The following CTCFL variants were observed in gnomAD, a reference collection of about 807,000 sequenced individuals.
CTCFL encodes transcriptional repressor CTCFL.
A neutral mutation model predicts 67.4 loss-of-function variants in CTCFL; 36 were observed. That is an observed-to-expected ratio of 0.53 (90% CI 0.41 to 0.71). The LOEUF is 0.71. Among genes scored for constraint, CTCFL ranks in the 30% least tolerant of loss-of-function variants. The pLI is 0.00. For missense variants in CTCFL, 786 were observed against 835.2 expected (o/e 0.94, Z 0.73); for synonymous variants, 324 against 302.3 (o/e 1.07, Z -0.75).
At chr20:57,518,709 C>A in intron 5 of CTCFL, 49 bp downstream of exon 5, 1 of 1,613,886 alleles carries the variant, frequency 6.2e-7, no homozygotes, top group Non-Finnish European at 8.5e-7. Flanking sequence ...ACTTGTACAG[C>A]AGCCTCTACT....
chr20:57,518,795 G>A lies in CTCFL; in HGVS notation c.1022C>T (p.Pro341Leu). The A allele has an allele frequency of 1.2e-6, 2 of 1,614,088 alleles. No homozygotes were observed. The highest frequency in any genetic ancestry group is 2.2e-5 in the East Asian group (1 of 44,876). The change falls in exon 5 of 11, where the codon CCC becomes CTC. Residue 341 changes from proline to leucine, a missense_variant. By Grantham distance (98) the Pro-to-Leu change is moderately conservative (BLOSUM62 -3). Coordinates refer to ENST00000243914, the MANE Select transcript of CTCFL (RefSeq NM_001386993.1). ...HRRYKHTHEK[P>L]FKCSMCKYAS... The stretch of plus-strand genomic sequence containing the variant: ...ATACTTGCACATGGAACATTTAAAG[G>A]GTTTCTCATGAGTATGTTTATAGCG...
rs757798480 is a variant in CTCFL at position 57,523,626 on chromosome 20, T to C, written c.543+37A>G. 86 of 1,570,254 alleles carry C rather than the reference T, an allele frequency of 5.5e-5. No individual in the cohort carries two copies. The African/African-American group carries it at 9.2e-4, about 17-fold the overall frequency. ...TAAAAGCCGACTTGAATTTTTTCTT[T>C]TTCATGTAAGGGGTTGTTTATTAAA... On this transcript the variant is annotated intron_variant, in intron 2 of 10. Coordinates refer to ENST00000243914, the MANE Select transcript of CTCFL (RefSeq NM_001386993.1).
chr20:57,514,039 G>C (rs2068734491), intron 7 of CTCFL, among the ~76,000 whole-genome samples: 1 of 152,178 alleles, frequency 6.6e-6, no homozygotes, highest in African/African-American at 2.4e-5. Context: ...ACAGTTAAAA[G>C]GCTCACCGTG....
rs1003824759 is a variant in CTCFL, at chr20:57,497,785, T to A, written c.*765A>T. 17 of 984,880 alleles carry A rather than the reference T, an allele frequency of 1.7e-5. No homozygotes were observed. The highest frequency in any genetic ancestry group is 1.8e-5 in the Non-Finnish European group (15 of 829,566). The allele number at this position is 984,880 out of a possible 1,614,324, so 61.0% of individuals were successfully genotyped here. On this transcript the variant is annotated 3_prime_UTR_variant, in exon 11 of 11. Coordinates refer to ENST00000243914, the MANE Select transcript of CTCFL (RefSeq NM_001386993.1). Reference sequence around the variant, plus strand: ...AAAGGGTTATGGAGTGAAATACTAATAAGCAATAATGGAATGTAACCAGGG... The same window carrying A: ...AAAGGGTTATGGAGTGAAATACTAAAAAGCAATAATGGAATGTAACCAGGG...
At chr20:57,516,878 G>A (rs1240972956) in intron 5 of CTCFL, among the ~76,000 whole-genome samples, 3 of 152,278 alleles carry the variant, frequency 2.0e-5, no homozygotes, top group Non-Finnish European at 2.9e-5. Flanking sequence ...TTCTGTATTC[G>A]TGTATCACAG....
chr20:57,513,686 A>G, intron 7 of CTCFL: 1 of 1,186,894 alleles, frequency 8.4e-7, no homozygotes, highest in Admixed American at 3.7e-5. Context: ...GATGAAAAAT[A>G]AAAGTGAAGA....
intron 5 of CTCFL, among the ~76,000 whole-genome samples, chr20:57,516,080 G>C (rs1365787154): frequency 9.2e-5 from 14 of 152,186 alleles, no homozygotes; most frequent in Non-Finnish European, 2.1e-4. Context: ...AGTTCTGAGA[G>C]ACTTTCGCGT....
intron 1 of CTCFL, chr20:57,524,460 C>T (rs2069694386): frequency 1.5e-6 from 2 of 1,319,396 alleles, no homozygotes; most frequent in Admixed American, 3.5e-5. Flanking sequence ...CAGGTTTGGG[C>T]CTCAGCAGGC....
At chr20:57,507,362 C>CTT (rs35926305) in intron 9 of CTCFL, 94 of 489,414 alleles carry the variant, frequency 1.9e-4, no homozygotes, top group African/African-American at 4.8e-4. Context: ...TAGCTATTTT[C>CTT]TTTTTTTTTT....
intron 5 of CTCFL, 147 bp from the exon 6 acceptor site, chr20:57,515,981 A>G: frequency 1.1e-6 from 1 of 918,974 alleles, no homozygotes; most frequent in Non-Finnish European, 1.6e-6. Flanking sequence ...AAAAACATGA[A>G]AAAGTCATCA....
Position 57,524,045 on chromosome 20 carries a change from C to G in CTCFL, c.161G>C (p.Gly54Ala). The G allele has an allele frequency of 6.2e-7, 1 of 1,613,608 alleles. No individual in the cohort carries two copies. Among genetic ancestry groups the G allele is most frequent in the Non-Finnish European group, 8.5e-7 (1 of 1,179,982 alleles). ...PSELEAERTS[G>A]AFQDSVLEEE... ...CTCCAGGACGCTGTCCTGGAAGGCC[C>G]CAGAGGTACGCTCGGCCTCCAACTC... The change falls in exon 2 of 11, where the codon GGG becomes GCG. Residue 54 changes from glycine to alanine, a missense_variant. By Grantham distance (60) the Gly-to-Ala change is moderately conservative. Transcript: ENST00000243914.
intron 7 of CTCFL, chr20:57,513,095 G>T: frequency 3.8e-6 from 1 of 264,542 alleles, no homozygotes; most frequent in Non-Finnish European, 6.3e-6. Flanking sequence ...TCGGTATGGA[G>T]TTAAATGTTA....
At chr20:57,515,608 C>T in intron 6 of CTCFL, 106 bp downstream of exon 6, 1 of 1,464,464 alleles carries the variant, frequency 6.8e-7, no homozygotes, top group Non-Finnish European at 9.5e-7. Flanking sequence ...CGCAAAAATC[C>T]ACTTTTACCT....
chr20:57,499,073 C>CGGGGGGGGGGGGGGGG (rs11475885), intron 10 of CTCFL, among the ~76,000 whole-genome samples: 2 of 65,438 alleles, frequency 3.1e-5, no homozygotes, highest in Admixed American at 1.7e-4. Context: ...CTGAAGGTGA[C>CGGGGGGGGGGGGGGGG]GGGGGGGGGG....
chr20:57,510,630 G>A (rs1354990457), intron 8 of CTCFL, among the ~76,000 whole-genome samples: 4 of 152,194 alleles, frequency 2.6e-5, no homozygotes, highest in Admixed American at 6.5e-5. Flanking sequence ...TTGGGAGGCC[G>A]AGGCGGGCAG....
intron 6 of CTCFL, 180 bp from the exon 7 acceptor site, chr20:57,514,921 G>A: frequency 1.6e-6 from 1 of 634,242 alleles, no homozygotes; most frequent in East Asian, 2.8e-5. Context: ...GTCAAGTACA[G>A]CTGTGTCCAT....
chr20:57,505,036 A>G (rs888212795), intron 9 of CTCFL, among the ~76,000 whole-genome samples: 1 of 151,884 alleles, frequency 6.6e-6, no homozygotes, highest in African/African-American at 2.4e-5. Flanking sequence ...GTTTGGTTCT[A>G]TAACAAGAGT....
chr20:57,508,575 G>A, intron 9 of CTCFL, 31 bp downstream of exon 9: 1 of 1,603,068 alleles, frequency 6.2e-7, no homozygotes, highest in Non-Finnish European at 8.5e-7. Context: ...ATCTTTCCAT[G>A]GGGGATTTAC....
intron 5 of CTCFL, 74 bp from the exon 6 acceptor site, chr20:57,515,908 TA>T: frequency 6.8e-7 from 1 of 1,464,326 alleles, no homozygotes. Flanking sequence ...ATCAGCATTG[TA>T]AAAGAGATTT....
Sources: allele counts gnomAD v4.1 joint callset (sites outside exome capture counted in the v4.1 genomes callset), GRCh38; gene constraint gnomAD v4.1.1; transcripts MANE v1.5; gene names NCBI Gene and HGNC (gene_info 2026-07-23, HGNC 2026-07-21).